CEP63: variants seen among roughly 807,000 people sequenced by gnomAD.
CEP63 encodes the protein centrosomal protein 63, also known as centrosomal protein of 63 kDa.
A neutral mutation model predicts 89.1 loss-of-function variants in CEP63; 84 were observed. The ratio of observed to expected loss-of-function variants is 0.94; its 90% CI spans 0.79 to 1.13. CEP63 has a LOEUF of 1.13. CEP63 is among the 50% of genes most tolerant of loss of function. CEP63 has a pLI of 0.00. For synonymous variants in CEP63, 267 were observed against 272.5 expected (o/e 0.98, Z 0.20); for missense variants, 838 against 813.3 (o/e 1.03, Z -0.37).
chr3:134,553,273 G>A (rs1271714181), intron 12 of CEP63: 2 of 151,928 alleles, frequency 1.3e-5, no homozygotes, highest in East Asian at 3.9e-4. Context: ...GGAAAAATGG[G>A]GGACTATTTT....
At chr3:134,694,499 A>G in the CEP63 span, among the ~76,000 whole-genome samples, 1 of 152,116 alleles carries the variant, frequency 6.6e-6, no homozygotes, top group Admixed American at 6.5e-5. Flanking sequence ...AGCATCAACA[A>G]GGATGTTTGT....
intron 14 of CEP63, among the ~76,000 whole-genome samples, chr3:134,560,809 T>A (rs1234450135): frequency 6.6e-6 from 1 of 152,206 alleles, no homozygotes; most frequent in African/African-American, 2.4e-5. Flanking sequence ...GCTAATTCAG[T>A]GTTTTGGGTG....
At chr3:134,741,037 G>A in the CEP63 span, among the ~76,000 whole-genome samples, 4 of 152,204 alleles carry the variant, frequency 2.6e-5, no homozygotes, top group East Asian at 5.8e-4. Flanking sequence ...GGGAGGGGTG[G>A]GGGAGTGTAA....
At chr3:134,612,614 G>A in the CEP63 span, among the ~76,000 whole-genome samples, 7 of 152,100 alleles carry the variant, frequency 4.6e-5, no homozygotes, top group African/African-American at 1.7e-4. Context: ...TAGGAGGTGG[G>A]GCCCCATCTA....
chr3:134,549,085 G>A lies in CEP63; in HGVS notation c.1091G>A (p.Cys364Tyr). Residue 364 changes from cysteine to tyrosine, a missense_variant, in exon 10 of 15, where the codon TGT (cysteine) becomes TAT (tyrosine). Cys to Tyr is a radical substitution (Grantham distance 194, BLOSUM62 -2). Coordinates refer to ENST00000675561, the MANE Select transcript of CEP63 (RefSeq NM_001353108.3). ...AGTTTGGAATCTGTGAGTGCAACGT[G>A]TAAACAGCTGAGCCAAGAACTAATG... ...EGSLESVSAT[C>Y]KQLSQELMEK... The A allele has an allele frequency of 1.9e-6, 3 of 1,613,062 alleles. No individual in the cohort carries two copies. Among genetic ancestry groups the A allele is most frequent in the Non-Finnish European group, 2.5e-6 (3 of 1,179,110 alleles).
chr3:134,557,732 CT>C (rs1356178305), intron 12 of CEP63, among the ~76,000 whole-genome samples: 1 of 152,124 alleles, frequency 6.6e-6, no homozygotes, highest in Non-Finnish European at 1.5e-5. Flanking sequence ...TTTCTCACAA[CT>C]TTTTGTTCAA....
chr3:134,611,618 C>T, the CEP63 span, among the ~76,000 whole-genome samples: 37 of 152,374 alleles, frequency 2.4e-4, no homozygotes, highest in Non-Finnish European at 3.8e-4. Flanking sequence ...GTGCTTGATG[C>T]CCCTTTGATG....
At chr3:134,579,849 T>G (rs926770799), downstream of CEP63, among the ~76,000 whole-genome samples, 4 of 152,172 alleles carry the variant, frequency 2.6e-5, no homozygotes, top group Non-Finnish European at 5.9e-5. Context: ...AATAATACTA[T>G]ATAGCAATAC....
intron 3 of CEP63, among the ~76,000 whole-genome samples, chr3:134,528,979 G>T (rs1949306168): frequency 6.6e-6 from 1 of 152,044 alleles, no homozygotes; most frequent in African/African-American, 2.4e-5. Context: ...TTCTTTTCTT[G>T]CTAATAAAAG....
chr3:134,619,621 A>C, the CEP63 span, among the ~76,000 whole-genome samples: 1 of 152,206 alleles, frequency 6.6e-6, no homozygotes, highest in Non-Finnish European at 1.5e-5. Context: ...CTGCAGCCCG[A>C]AGGCCTCATG....
intron 1 of CEP63, among the ~76,000 whole-genome samples, chr3:134,487,537 A>G (rs1198423954): frequency 2.0e-5 from 3 of 152,226 alleles, no homozygotes; most frequent in Non-Finnish European, 2.9e-5. Flanking sequence ...TGACAGCATC[A>G]GTAGTCCACT....
At chr3:134,619,168 G>A in the CEP63 span, 1 of 1,613,840 alleles carries the variant, frequency 6.2e-7, no homozygotes, top group Non-Finnish European at 8.5e-7. Context: ...TCTCGAAGAG[G>A]CCAGCATAGC....
the CEP63 span, among the ~76,000 whole-genome samples, chr3:134,767,048 T>C: frequency 6.6e-6 from 1 of 152,288 alleles, no homozygotes; most frequent in Admixed American, 6.5e-5. Flanking sequence ...CAGACCAGGC[T>C]TTGCTCTGAA....
chr3:134,625,046 G>C, the CEP63 span: 1 of 1,589,250 alleles, frequency 6.3e-7, no homozygotes, highest in East Asian at 2.3e-5. Context: ...GCGGCCAGCT[G>C]TCCTACCTGT....
chr3:134,671,675 A>G, the CEP63 span, among the ~76,000 whole-genome samples: 1 of 152,358 alleles, frequency 6.6e-6, no homozygotes, highest in African/African-American at 2.4e-5. Context: ...GCTTTTAAGG[A>G]AGTGTTTAAA....
At chr3:134,720,615 A>G in the CEP63 span, among the ~76,000 whole-genome samples, 1 of 152,028 alleles carries the variant, frequency 6.6e-6, no homozygotes, top group African/African-American at 2.4e-5. Context: ...GATTTAAGTG[A>G]TCCATTTGAT....
intron 12 of CEP63, among the ~76,000 whole-genome samples, chr3:134,554,332 T>G (rs1415208368): frequency 6.7e-6 from 1 of 149,330 alleles, no homozygotes; most frequent in East Asian, 2.0e-4. Context: ...GAATATGCAG[T>G]GTTTGGTTTT....
At chr3:134,729,313 CT>C in the CEP63 span, among the ~76,000 whole-genome samples, 1 of 152,130 alleles carries the variant, frequency 6.6e-6, no homozygotes, top group Non-Finnish European at 1.5e-5. Flanking sequence ...ATTAAAAATA[CT>C]TTTATATTCT....
the CEP63 span, among the ~76,000 whole-genome samples, chr3:134,774,298 A>C: frequency 1.3e-5 from 2 of 152,226 alleles, no homozygotes; most frequent in African/African-American, 4.8e-5. Flanking sequence ...GCCAAGAAAC[A>C]ATACAATAAA....
Sources: allele counts gnomAD v4.1 joint callset (sites outside exome capture counted in the v4.1 genomes callset), GRCh38; gene constraint gnomAD v4.1.1; transcripts MANE v1.5; gene names NCBI Gene and HGNC (gene_info 2026-07-23, HGNC 2026-07-21).